Variants in SYNPR observed in about 807,000 individuals in gnomAD.
SYNPR encodes the protein synaptoporin.
SYNPR carries 23 observed loss-of-function variants against 32.9 expected under a neutral mutation model. The ratio of observed to expected loss-of-function variants is 0.70; its 90% CI spans 0.50 to 0.99. The LOEUF (loss-of-function observed/expected upper bound fraction) is 0.99. SYNPR is among the 50% of genes least tolerant of loss of function. The probability of loss-of-function intolerance (pLI) is 0.00; values close to 1 mark genes in which losing one functional copy is unlikely to be tolerated. For missense variants in SYNPR, 318 were observed against 349.3 expected, an observed-to-expected ratio of 0.91 and a Z score of 0.71; for synonymous variants, 146 against 135.9, an observed-to-expected ratio of 1.07 and a Z score of -0.52.
At chr3:63,461,633 G>A (rs1370546086) in intron 2 of SYNPR, among the ~76,000 whole-genome samples, 1 of 151,838 alleles carries the variant, frequency 6.6e-6, no homozygotes, top group African/African-American at 2.4e-5. Flanking sequence ...CCCTATGCCA[G>A]GCTCTGCTTG....
chr3:63,492,848 T>A (rs1701281423), intron 3 of SYNPR, among the ~76,000 whole-genome samples: 1 of 152,140 alleles, frequency 6.6e-6, no homozygotes, highest in Non-Finnish European at 1.5e-5. Context: ...TTTCCTTACA[T>A]CTGTTTTCTT....
chr3:63,542,177 C>T (rs986182981), intron 3 of SYNPR, among the ~76,000 whole-genome samples: 1 of 152,088 alleles, frequency 6.6e-6, no homozygotes, highest in Non-Finnish European at 1.5e-5. Flanking sequence ...TCTTTATCCC[C>T]ATGTTTTCTT....
intron 1 of SYNPR, among the ~76,000 whole-genome samples, chr3:63,249,763 A>G (rs2086316467): frequency 6.6e-6 from 1 of 152,190 alleles, no homozygotes; most frequent in Admixed American, 6.6e-5. Flanking sequence ...AATAGGACAT[A>G]TATACGTGTA....
intron 3 of SYNPR, among the ~76,000 whole-genome samples, chr3:63,525,983 C>T (rs548297033): frequency 2.6e-5 from 4 of 152,286 alleles, no homozygotes; most frequent in South Asian, 2.1e-4. Context: ...AGCTTCTACT[C>T]ATGGTAGAAG....
intron 2 of SYNPR, among the ~76,000 whole-genome samples, chr3:63,291,632 T>C (rs912305880): frequency 2.6e-5 from 4 of 152,124 alleles, no homozygotes; most frequent in African/African-American, 9.7e-5. Context: ...AAGCAAAGCA[T>C]GATTATTATG....
intron 2 of SYNPR, among the ~76,000 whole-genome samples, chr3:63,301,880 A>C (rs1244015745): frequency 6.6e-6 from 1 of 152,062 alleles, no homozygotes; most frequent in Non-Finnish European, 1.5e-5. Context: ...TGTATAAATG[A>C]ATTAATTTCA....
intron 2 of SYNPR, among the ~76,000 whole-genome samples, chr3:63,480,127 C>T (rs189190610): frequency 2.6e-5 from 4 of 152,292 alleles, no homozygotes; most frequent in African/African-American, 7.2e-5. Context: ...CTCTCAGAGT[C>T]CCTGCTCCTA....
chr3:63,402,055 T>C (rs2076879), intron 2 of SYNPR, among the ~76,000 whole-genome samples: 2,320 of 151,548 alleles, frequency 0.015, 25 homozygotes, highest in Non-Finnish European at 0.024. Flanking sequence ...TAATTTCATA[T>C]ACTCAAGCCT....
At chr3:63,298,736 G>T (rs2086815089) in intron 2 of SYNPR, among the ~76,000 whole-genome samples, 1 of 152,086 alleles carries the variant, frequency 6.6e-6, no homozygotes, top group Admixed American at 6.6e-5. Context: ...GTAGTCCCAG[G>T]AAACACTGGT....
chr3:63,526,533 T>C (rs1272015803), intron 3 of SYNPR, among the ~76,000 whole-genome samples: 2 of 152,220 alleles, frequency 1.3e-5, no homozygotes, highest in African/African-American at 2.4e-5. Context: ...AATGTTTTAT[T>C]CTCATTGTAT....
At chr3:63,593,212 T>C (rs1699872578) in intron 4 of SYNPR, among the ~76,000 whole-genome samples, 1 of 152,150 alleles carries the variant, frequency 6.6e-6, no homozygotes, top group Non-Finnish European at 1.5e-5. Flanking sequence ...ATATTATTAA[T>C]TTATTTTGAA....
chr3:63,248,745 A>T (rs1334606976), intron 1 of SYNPR, among the ~76,000 whole-genome samples: 1 of 152,156 alleles, frequency 6.6e-6, no homozygotes, highest in Admixed American at 6.6e-5. Flanking sequence ...CCATTGTGCT[A>T]ATTAGTTATT....
At position 63,347,199 on chromosome 3, in the gene SYNPR, A is replaced by G. The variant is rs143065180; in HGVS notation, c.84+68457A>G. On this transcript the variant is annotated intron_variant, in intron 2 of 5. Coordinates refer to ENST00000478300, the MANE Select transcript of SYNPR (RefSeq NM_001130003.2). ...AAGTAATCCATTTTCTTAAACAACT[A>G]TTTTCTTAACTGATGATTACTCTTT... Among the ~76,000 whole-genome samples the G allele has an allele frequency of 6.0e-3, 912 of 152,268 alleles. 7 individuals are homozygous for G. Among genetic ancestry groups the G allele is most frequent in the African/African-American group, 0.021 (874 of 41,550 alleles).
At chr3:63,539,100 C>T (rs1383737359) in intron 3 of SYNPR, among the ~76,000 whole-genome samples, 1 of 152,062 alleles carries the variant, frequency 6.6e-6, no homozygotes, top group East Asian at 1.9e-4. Flanking sequence ...CTTCTGCTTT[C>T]ACCTCTGCAC....
intron 4 of SYNPR, among the ~76,000 whole-genome samples, chr3:63,587,514 C>T (rs1296447145): frequency 3.9e-5 from 6 of 152,034 alleles, no homozygotes. Flanking sequence ...GAGTATTTGA[C>T]AGCCTGAATT....
At chr3:63,435,338 A>T (rs920673787) in intron 2 of SYNPR, among the ~76,000 whole-genome samples, 1 of 152,260 alleles carries the variant, frequency 6.6e-6, no homozygotes, top group Non-Finnish European at 1.5e-5. Context: ...GACATAATCC[A>T]TGAACAGCGC....
In SYNPR at chr3:63,292,134, T is replaced by C. The variant is rs1380723308; in HGVS notation, c.84+13392T>C. On this transcript the variant is annotated intron_variant, in intron 2 of 5. Transcript: ENST00000478300. ...GTAAAAATTTAGTATTATAATCTTA[T>C]GGGACCATCATCATATATGTGGTTG... Among the ~76,000 whole-genome samples, 6 of 152,188 alleles carry C rather than the reference T, an allele frequency of 3.9e-5. No homozygotes were observed. The East Asian group carries it at 1.2e-3, about 29-fold the overall frequency.
chr3:63,481,445 A>G (rs202099120), intron 3 of SYNPR, among the ~76,000 whole-genome samples: 34,623 of 134,042 alleles, frequency 0.26, 4,195 homozygotes, highest in East Asian at 0.32. Flanking sequence ...GTATATATAT[A>G]TATATATGTG....
rs75089416 is a variant in SYNPR, at chr3:63,528,519, G to A, written c.210-28024G>A. ...GTCACCCTGAAACTGCAACTCCCAG[G>A]GCGGTTACCATTGTTGCCTAAAAAA... On this transcript the variant is annotated intron_variant, in intron 3 of 5. Transcript: ENST00000478300. Among the ~76,000 whole-genome samples, 159 of 152,126 alleles carry A rather than the reference G, an allele frequency of 1.0e-3. 2 individuals carry two copies. The South Asian group carries it at 0.018, about 17-fold the overall frequency.
Sources: allele counts gnomAD v4.1 joint callset (sites outside exome capture counted in the v4.1 genomes callset), GRCh38; gene constraint gnomAD v4.1.1; transcripts MANE v1.5; gene names NCBI Gene and HGNC (gene_info 2026-07-23, HGNC 2026-07-21).